GALNT10: variants seen among roughly 807,000 people sequenced by gnomAD.
The protein encoded by GALNT10 is polypeptide N-acetylgalactosaminyltransferase 10.
In GALNT10, 41 loss-of-function variants were observed where a neutral mutation model predicts 75.0. That is an observed-to-expected ratio of 0.55 (90% CI 0.43 to 0.71). The LOEUF (loss-of-function observed/expected upper bound fraction) is 0.71. GALNT10 is among the 30% of genes least tolerant of loss of function. The pLI, the probability that GALNT10 is intolerant of heterozygous loss-of-function variation, is 0.00. For synonymous variants in GALNT10, 302 were observed against 313.0 expected (o/e 0.96, Z 0.37); for missense variants, 727 against 818.5 (o/e 0.89, Z 1.36).
chr5:154,251,153 A>G (rs1753514451), intron 1 of GALNT10, among the ~76,000 whole-genome samples: 1 of 152,180 alleles, frequency 6.6e-6, no homozygotes, highest in South Asian at 2.1e-4. Flanking sequence ...TAAAAAGTGG[A>G]ACATTGCCAT....
chr5:154,316,244 G>A (rs868360574), intron 3 of GALNT10, among the ~76,000 whole-genome samples: 2 of 152,180 alleles, frequency 1.3e-5, no homozygotes, highest in African/African-American at 4.8e-5. Flanking sequence ...GTCTGATTTA[G>A]ATTTGTTATT....
chr5:154,297,278 C>G (rs974528844), intron 2 of GALNT10, among the ~76,000 whole-genome samples: 4 of 152,164 alleles, frequency 2.6e-5, no homozygotes, highest in Non-Finnish European at 2.9e-5. Context: ...TCAGGCACTC[C>G]TGGTTTAGAG....
chr5:154,412,835 G>A lies in GALNT10; in HGVS notation c.1387-54G>A, dbSNP rs148064886. The A allele has an allele frequency of 1.7e-5, 20 of 1,208,492 alleles. No homozygotes were observed. Among genetic ancestry groups the A allele is most frequent in the African/African-American group, 7.4e-5 (5 of 67,392 alleles). The allele number at this position is 1,208,492 out of a possible 1,614,324, so 74.9% of individuals were successfully genotyped here. On this transcript the variant is annotated intron_variant, in intron 9 of 11. Transcript: ENST00000297107. This position sits in a 1 kb window ranked among gnomAD's most constrained non-coding sequence, Gnocchi z 4.2. ...TTCCCCTTTCACCTGGCAGGGACCC[G>A]GTGGGCACCTTAAGGCACCTCAGTG...
At chr5:154,274,909 C>T (rs192156709) in intron 1 of GALNT10, among the ~76,000 whole-genome samples, 24 of 152,302 alleles carry the variant, frequency 1.6e-4, no homozygotes, top group Middle Eastern at 6.8e-3. Flanking sequence ...TCGCCTCTCC[C>T]CCAGCCATCA....
At chr5:154,239,918 G>T (rs947945638) in intron 1 of GALNT10, among the ~76,000 whole-genome samples, 3 of 152,220 alleles carry the variant, frequency 2.0e-5, no homozygotes, top group African/African-American at 7.2e-5. Flanking sequence ...GTGAGTGAGT[G>T]TTTTGTTCTC....
At chr5:154,356,159 C>T (rs1221886554) in intron 4 of GALNT10, 5 of 456,138 alleles carry the variant, frequency 1.1e-5, no homozygotes, top group Admixed American at 4.7e-5. Flanking sequence ...ACAGATCTGC[C>T]GACTGCATCA....
At chr5:154,200,427 G>A (rs1244445977) in intron 1 of GALNT10, among the ~76,000 whole-genome samples, 5 of 152,196 alleles carry the variant, frequency 3.3e-5, no homozygotes, top group Non-Finnish European at 7.3e-5. Flanking sequence ...GAGGGAACAG[G>A]TTGGAAACAT....
chr5:154,226,936 G>A (rs1440629859), intron 1 of GALNT10, among the ~76,000 whole-genome samples: 1 of 151,066 alleles, frequency 6.6e-6, no homozygotes, highest in Non-Finnish European at 1.5e-5. Flanking sequence ...GGAATCATAC[G>A]GTATGTACTC....
intron 4 of GALNT10, among the ~76,000 whole-genome samples, chr5:154,353,911 ACCCT>A (rs1481854486): frequency 6.6e-6 from 1 of 151,830 alleles, no homozygotes; most frequent in East Asian, 1.9e-4. Flanking sequence ...TTCCATGCTG[ACCCT>A]CCCATAGACC....
intron 1 of GALNT10, among the ~76,000 whole-genome samples, chr5:154,229,501 G>A (rs1417393282): frequency 6.6e-6 from 1 of 152,156 alleles, no homozygotes; most frequent in Admixed American, 6.5e-5. Flanking sequence ...GGCTGAGGCA[G>A]GTGGATCACG....
chr5:154,379,687 A>G (rs1196418361), intron 5 of GALNT10, among the ~76,000 whole-genome samples: 2 of 152,242 alleles, frequency 1.3e-5, no homozygotes, highest in Non-Finnish European at 2.9e-5. Context: ...TTCTAGAATC[A>G]GCTTCTCCCA....
At chr5:154,203,916 A>G (rs1337449579) in intron 1 of GALNT10, among the ~76,000 whole-genome samples, 1 of 152,230 alleles carries the variant, frequency 6.6e-6, no homozygotes, top group African/African-American at 2.4e-5. Context: ...CTCTGCCACA[A>G]CTACTCAATC....
At chr5:154,289,841 C>T (rs1390516878) in intron 1 of GALNT10, among the ~76,000 whole-genome samples, 1 of 152,162 alleles carries the variant, frequency 6.6e-6, no homozygotes, top group Non-Finnish European at 1.5e-5. Context: ...CTGTAAACCT[C>T]ATTAGGCCTA....
chr5:154,325,345 TA>T (rs1262768510), intron 3 of GALNT10, among the ~76,000 whole-genome samples: 2 of 152,066 alleles, frequency 1.3e-5, no homozygotes, highest in African/African-American at 4.8e-5. Context: ...AAAAAGCAAA[TA>T]AGTAGCTATA....
intron 1 of GALNT10, among the ~76,000 whole-genome samples, chr5:154,275,755 C>T (rs1318643492): frequency 6.6e-6 from 1 of 152,100 alleles, no homozygotes; most frequent in Non-Finnish European, 1.5e-5. Context: ...TGGCTGGGAT[C>T]CAAGAATGAA....
chr5:154,191,057 A>G, intron 1 of GALNT10, 32 bp downstream of exon 1: 3 of 1,350,490 alleles, frequency 2.2e-6, no homozygotes, highest in Non-Finnish European at 2.9e-6. Flanking sequence ...GGCCGGGAAC[A>G]CCCCCTTCCC....
chr5:154,401,326 G>C (rs1234326695), intron 7 of GALNT10, among the ~76,000 whole-genome samples: 1 of 152,238 alleles, frequency 6.6e-6, no homozygotes, highest in Non-Finnish European at 1.5e-5. Context: ...CTGCCCGGGA[G>C]ACGTTCAGAA....
At chr5:154,193,821 A>G (rs1021614576) in intron 1 of GALNT10, among the ~76,000 whole-genome samples, 20 of 152,266 alleles carry the variant, frequency 1.3e-4, no homozygotes, top group African/African-American at 4.3e-4. Flanking sequence ...GAAAGTCTAC[A>G]TAACTCATGC....
At chr5:154,221,698 T>G (rs1226876105) in intron 1 of GALNT10, among the ~76,000 whole-genome samples, 2 of 152,216 alleles carry the variant, frequency 1.3e-5, no homozygotes, top group Admixed American at 1.3e-4. Context: ...ACTTGGGTAC[T>G]GAAGAAATTA....
Sources: allele counts gnomAD v4.1 joint callset (sites outside exome capture counted in the v4.1 genomes callset), GRCh38; gene constraint gnomAD v4.1.1; non-coding constraint Gnocchi (gnomAD v3.1); transcripts MANE v1.5; gene names NCBI Gene and HGNC (gene_info 2026-07-23, HGNC 2026-07-21).